The following L3MBTL4 variants were observed in gnomAD, a reference collection of about 807,000 sequenced individuals.
The protein encoded by L3MBTL4 is lethal(3)malignant brain tumor-like protein 4.
In L3MBTL4, 70 loss-of-function variants were observed where a neutral mutation model predicts 84.5. The ratio of observed to expected loss-of-function variants is 0.83; its 90% CI spans 0.68 to 1.01. The LOEUF (loss-of-function observed/expected upper bound fraction) is 1.01, where lower values mean the gene tolerates loss of function less well. Ranked by LOEUF, L3MBTL4 falls within the 50% of genes least tolerant of loss-of-function variation. The pLI is 0.00. For synonymous variants in L3MBTL4, 274 were observed against 259.8 expected, an observed-to-expected ratio of 1.05 and a Z score of -0.52; for missense variants, 715 against 754.8, an observed-to-expected ratio of 0.95 and a Z score of 0.62.
intron 12 of L3MBTL4, among the ~76,000 whole-genome samples, chr18:6,204,904 T>C (rs894385619): frequency 6.6e-6 from 1 of 152,232 alleles, no homozygotes; most frequent in Non-Finnish European, 1.5e-5. Context: ...CTTAGCAGTG[T>C]TCAGTAAAGG....
Position 6,375,262 on chromosome 18 carries a change from C to T in L3MBTL4, c.-91+39539G>A, listed in dbSNP as rs557996868. On this transcript the variant is annotated intron_variant, in intron 1 of 18. Transcript: ENST00000317931. ...CTCTACGGCTTGGCTCTCTCTCCCC[C>T]ATTTATGGCCCCTCCATGGCTCTCC... Among the ~76,000 whole-genome samples, 11 of 152,256 alleles carry T rather than the reference C, an allele frequency of 7.2e-5. No individual in the cohort carries two copies. In the East Asian group the frequency reaches 1.7e-3, roughly 24 times the overall value.
At chr18:6,382,158 C>T (rs145118504) in intron 1 of L3MBTL4, among the ~76,000 whole-genome samples, 173 of 152,292 alleles carry the variant, frequency 1.1e-3, no homozygotes, top group African/African-American at 3.9e-3. Flanking sequence ...ACGAAGTTCT[C>T]GTGCTGTGCT....
Position 6,067,091 on chromosome 18 carries a change from C to G in L3MBTL4, c.1444+13790G>C, listed in dbSNP as rs141732100. Among the ~76,000 whole-genome samples, 26 of 152,224 alleles carry G rather than the reference C, an allele frequency of 1.7e-4. No individual in the cohort carries two copies. In the East Asian group the frequency reaches 4.8e-3, roughly 28 times the overall value. ...TTCTGGATACAAAATTCTTGGCTTA[C>G]AATTATTTTGCTTAAGGAAGCCAAA... On this transcript the variant is annotated intron_variant, in intron 16 of 18. Transcript: ENST00000317931.
intron 16 of L3MBTL4, among the ~76,000 whole-genome samples, chr18:6,059,421 G>T (rs1308721383): frequency 2.0e-5 from 3 of 152,054 alleles, no homozygotes; most frequent in African/African-American, 7.2e-5. Context: ...AAAATATTTT[G>T]TCAATAATGT....
chr18:5,979,012 C>G (rs139425999), intron 16 of L3MBTL4, among the ~76,000 whole-genome samples: 185 of 152,280 alleles, frequency 1.2e-3, no homozygotes, highest in African/African-American at 4.4e-3. Flanking sequence ...ACCTCCACCC[C>G]CCGGCACAGC....
chr18:6,245,184 C>A (rs12150755), intron 5 of L3MBTL4, among the ~76,000 whole-genome samples: 1 of 152,168 alleles, frequency 6.6e-6, no homozygotes, highest in Admixed American at 6.5e-5. Context: ...CAGGCCACCA[C>A]GCCCAGCCCA....
intron 14 of L3MBTL4, among the ~76,000 whole-genome samples, chr18:6,110,793 T>C (rs1447851498): frequency 6.6e-6 from 1 of 152,142 alleles, no homozygotes; most frequent in African/African-American, 2.4e-5. Context: ...CTTGTCTGCC[T>C]ACAGTTACTA....
At chr18:6,150,726 G>A (rs1195939599) in intron 13 of L3MBTL4, among the ~76,000 whole-genome samples, 1 of 152,166 alleles carries the variant, frequency 6.6e-6, no homozygotes, top group Non-Finnish European at 1.5e-5. Flanking sequence ...AACTGAGAGA[G>A]AACAAGCCCT....
chr18:6,121,813 A>G (rs2059538965), intron 14 of L3MBTL4, among the ~76,000 whole-genome samples: 1 of 151,890 alleles, frequency 6.6e-6, no homozygotes, highest in South Asian at 2.1e-4. Flanking sequence ...GCCTTGTCTC[A>G]AGTGAGAAAA....
At chr18:6,353,280 CAAA>C (rs5822892) in intron 1 of L3MBTL4, among the ~76,000 whole-genome samples, 4 of 123,896 alleles carry the variant, frequency 3.2e-5, no homozygotes, top group Non-Finnish European at 5.5e-5. Flanking sequence ...ATGATGAAAG[CAAA>C]AAAAAAAAAA....
intron 16 of L3MBTL4, among the ~76,000 whole-genome samples, chr18:6,045,463 A>T (rs531236255): frequency 8.6e-6 from 1 of 115,876 alleles, no homozygotes; most frequent in African/African-American, 2.7e-5. Context: ...AGTTTATTGG[A>T]CTTACAGTTC....
At chr18:6,190,365 G>A (rs2045014515) in intron 12 of L3MBTL4, among the ~76,000 whole-genome samples, 1 of 152,146 alleles carries the variant, frequency 6.6e-6, no homozygotes, top group Non-Finnish European at 1.5e-5. Context: ...ATAGTTACGG[G>A]TAGATACATA....
chr18:6,226,142 C>A (rs2046773536), intron 10 of L3MBTL4, among the ~76,000 whole-genome samples: 1 of 145,794 alleles, frequency 6.9e-6, no homozygotes, highest in South Asian at 2.1e-4. Flanking sequence ...ATGTGGTGGC[C>A]CATGCTGTAA....
intron 1 of L3MBTL4, among the ~76,000 whole-genome samples, chr18:6,403,377 T>C (rs2055591119): frequency 6.6e-6 from 1 of 152,222 alleles, no homozygotes; most frequent in Non-Finnish European, 1.5e-5. Context: ...TGCTGTTCAA[T>C]GACTCTCCCT....
At chr18:6,338,942 C>A (rs1213460716) in intron 1 of L3MBTL4, among the ~76,000 whole-genome samples, 2 of 152,004 alleles carry the variant, frequency 1.3e-5, no homozygotes. Flanking sequence ...AGGCAATAAT[C>A]CCTTATGAAA....
chr18:6,414,946 G>A (rs1380551220), upstream of L3MBTL4: 2 of 149,858 alleles, frequency 1.3e-5, no homozygotes, highest in Non-Finnish European at 3.0e-5. This position sits in a 1 kb window ranked among gnomAD's most constrained non-coding sequence, Gnocchi z 5.4. Context: ...GCGCGGGGTG[G>A]GGGCGCGGGA....
At chr18:6,172,051 A>T (rs982838957) in intron 12 of L3MBTL4, 109 bp from the exon 13 acceptor site, 5 of 559,770 alleles carry the variant, frequency 8.9e-6, no homozygotes, top group African/African-American at 7.8e-5. Context: ...AATTTTATTG[A>T]TCACACCTTG....
chr18:6,049,258 T>C (rs2056755142), intron 16 of L3MBTL4, among the ~76,000 whole-genome samples: 1 of 151,638 alleles, frequency 6.6e-6, no homozygotes, highest in Non-Finnish European at 1.5e-5. Context: ...TGGGACCTAA[T>C]TAAACTAAGA....
intron 11 of L3MBTL4, among the ~76,000 whole-genome samples, chr18:6,214,049 T>C (rs1183817838): frequency 6.6e-6 from 1 of 152,216 alleles, no homozygotes; most frequent in Non-Finnish European, 1.5e-5. Flanking sequence ...TTTATAAATC[T>C]AAAATATGCT....
Sources: gnomAD v4.1 joint callset for allele counts (sites outside exome capture counted in the v4.1 genomes callset) on GRCh38, gnomAD v4.1.1 for gene constraint, Gnocchi (gnomAD v3.1) non-coding constraint, MANE v1.5 for transcripts, NCBI Gene and HGNC (gene_info 2026-07-23, HGNC 2026-07-21) for gene names.